RALYL: variants seen among roughly 807,000 people sequenced by gnomAD.
RALYL encodes the protein RALY RNA binding protein like.
RALYL carries 29 observed loss-of-function variants against 35.1 expected under a neutral mutation model. The observed-to-expected ratio is 0.83, with a 90% CI of 0.61 to 1.13. The LOEUF is 1.13. Among genes scored for constraint, RALYL ranks in the 50% most tolerant of loss-of-function variants. RALYL has a pLI of 0.00. For synonymous variants in RALYL, 120 were observed against 127.6 expected (o/e 0.94, Z 0.40); for missense variants, 359 against 360.4 (o/e 1.00, Z 0.03).
At chr8:84,621,419 C>A (rs926047022) in intron 2 of RALYL, among the ~76,000 whole-genome samples, 2 of 152,224 alleles carry the variant, frequency 1.3e-5, no homozygotes, top group Non-Finnish European at 2.9e-5. Context: ...ACCCCTTGCA[C>A]TTCCGGAGTG....
chr8:84,756,159 A>G (rs529835670), intron 2 of RALYL, among the ~76,000 whole-genome samples: 1 of 152,164 alleles, frequency 6.6e-6, no homozygotes, highest in Non-Finnish European at 1.5e-5. Context: ...CCTATTTCTC[A>G]TCCCCCCCAA....
intron 1 of RALYL, among the ~76,000 whole-genome samples, chr8:84,202,950 G>T (rs1388994271): frequency 6.6e-6 from 1 of 152,084 alleles, no homozygotes; most frequent in Non-Finnish European, 1.5e-5. Flanking sequence ...GGTGAAAATT[G>T]CTTGAAACCC....
intron 1 of RALYL, among the ~76,000 whole-genome samples, chr8:84,223,458 C>A (rs752681362): frequency 2.0e-5 from 3 of 151,980 alleles, no homozygotes; most frequent in Non-Finnish European, 4.4e-5. Context: ...TGGGCAAGGA[C>A]CATGGTAGAA....
intron 2 of RALYL, among the ~76,000 whole-genome samples, chr8:84,562,093 C>T (rs1011483781): frequency 3.6e-4 from 55 of 151,992 alleles, no homozygotes; most frequent in African/African-American, 1.2e-3. Context: ...CTTCCAAATG[C>T]TTATGTTAGG....
intron 1 of RALYL, among the ~76,000 whole-genome samples, chr8:84,466,885 C>T (rs2051760157): frequency 2.0e-5 from 3 of 151,244 alleles, no homozygotes; most frequent in South Asian, 2.1e-4. Flanking sequence ...GTGTATGTGT[C>T]GAGGAATTTA....
intron 5 of RALYL, among the ~76,000 whole-genome samples, chr8:84,855,070 A>G (rs1274073699): frequency 1.3e-5 from 2 of 152,212 alleles, no homozygotes. Flanking sequence ...AGATTGGGGT[A>G]ATGCTGAAAA....
At chr8:84,680,912 T>C (rs1350836507) in intron 2 of RALYL, among the ~76,000 whole-genome samples, 4 of 152,020 alleles carry the variant, frequency 2.6e-5, no homozygotes, top group Non-Finnish European at 5.9e-5. Flanking sequence ...GTTTTAGACA[T>C]GAAGTCCTTG....
intron 1 of RALYL, among the ~76,000 whole-genome samples, chr8:84,303,941 A>T (rs1586103484): frequency 6.6e-6 from 1 of 151,936 alleles, no homozygotes; most frequent in Admixed American, 6.6e-5. Context: ...AACTAATGGG[A>T]ACTTTCTCTT....
At chr8:84,436,600 G>T (rs1446997617) in intron 1 of RALYL, among the ~76,000 whole-genome samples, 1 of 86,800 alleles carries the variant, frequency 1.2e-5, no homozygotes, top group African/African-American at 3.8e-5. Flanking sequence ...TTTATTGTTT[G>T]GGAAGACAGT....
chr8:84,276,998 A>C (rs1835519868), intron 1 of RALYL, among the ~76,000 whole-genome samples: 1 of 152,240 alleles, frequency 6.6e-6, no homozygotes, highest in Non-Finnish European at 1.5e-5. Flanking sequence ...AGGTGAAGAA[A>C]GCACGCAGCT....
chr8:84,784,517 T>C (rs1309855041), intron 3 of RALYL, among the ~76,000 whole-genome samples: 1 of 152,230 alleles, frequency 6.6e-6, no homozygotes, highest in African/African-American at 2.4e-5. Context: ...AGTTTGAAAA[T>C]ACTTATTACA....
At chr8:84,529,150 A>T in intron 1 of RALYL, 149 bp from the exon 2 acceptor site, 1 of 757,442 alleles carries the variant, frequency 1.3e-6, no homozygotes. Context: ...AAATATATTA[A>T]TTTTATTCTC....
chr8:84,717,888 G>A (rs182098708), intron 2 of RALYL, among the ~76,000 whole-genome samples: 40 of 152,066 alleles, frequency 2.6e-4, no homozygotes, highest in East Asian at 7.7e-4. Flanking sequence ...CTTAATAACC[G>A]TACAGTTTCA....
At chr8:84,261,851 A>G (rs1383220776) in intron 1 of RALYL, among the ~76,000 whole-genome samples, 1 of 152,082 alleles carries the variant, frequency 6.6e-6, no homozygotes, top group African/African-American at 2.4e-5. Context: ...TGTATATCTT[A>G]AAAACTTTAA....
At chr8:84,607,049 G>A (rs905830727) in intron 2 of RALYL, among the ~76,000 whole-genome samples, 1 of 151,886 alleles carries the variant, frequency 6.6e-6, no homozygotes, top group African/African-American at 2.4e-5. Flanking sequence ...CCACATTCGG[G>A]ACTCATACAT....
intron 2 of RALYL, among the ~76,000 whole-genome samples, chr8:84,743,880 T>C (rs545851409): frequency 6.6e-6 from 1 of 152,146 alleles, no homozygotes; most frequent in Non-Finnish European, 1.5e-5. Context: ...ATAAGGTACC[T>C]AGAATAGTTA....
At chr8:84,686,843 G>T (rs1836916143) in intron 2 of RALYL, among the ~76,000 whole-genome samples, 1 of 152,194 alleles carries the variant, frequency 6.6e-6, no homozygotes, top group East Asian at 1.9e-4. Context: ...GACTTCATTT[G>T]ATGTCTAAAA....
chr8:84,730,445 A>G (rs950843919), intron 2 of RALYL, among the ~76,000 whole-genome samples: 1 of 152,092 alleles, frequency 6.6e-6, no homozygotes, highest in African/African-American at 2.4e-5. Flanking sequence ...ATGGGCAAAA[A>G]CTGGAAGCAT....
chr8:84,297,257 C>G (rs1264318202), intron 1 of RALYL, among the ~76,000 whole-genome samples: 1 of 151,918 alleles, frequency 6.6e-6, no homozygotes, highest in African/African-American at 2.4e-5. Flanking sequence ...TTCTTTGTAT[C>G]CATATGTACT....
Sources: gnomAD v4.1 joint callset for allele counts (sites outside exome capture counted in the v4.1 genomes callset) on GRCh38, gnomAD v4.1.1 for gene constraint, MANE v1.5 for transcripts, NCBI Gene and HGNC (gene_info 2026-07-23, HGNC 2026-07-21) for gene names.